The following PIEZO2 variants were observed in gnomAD, a reference collection of about 807,000 sequenced individuals.
The protein encoded by PIEZO2 is piezo type mechanosensitive ion channel component 2.
A neutral mutation model predicts 337.3 loss-of-function variants in PIEZO2; 172 were observed. The observed-to-expected ratio is 0.51, with a 90% confidence interval of 0.45 to 0.58. The LOEUF (loss-of-function observed/expected upper bound fraction) is 0.58, where lower values mean the gene tolerates loss of function less well. Among genes scored for constraint, PIEZO2 ranks in the 20% least tolerant of loss-of-function variants. The pLI, the probability that PIEZO2 is intolerant of heterozygous loss-of-function variation, is 0.00. For missense variants in PIEZO2, 3,028 were observed against 3,391.3 expected, an observed-to-expected ratio of 0.89 and a Z score of 2.66; for synonymous variants, 1,251 against 1,228.5, an observed-to-expected ratio of 1.02 and a Z score of -0.38.
intron 49 of PIEZO2, among the ~76,000 whole-genome samples, chr18:10,688,358 A>G (rs938235136): frequency 6.6e-6 from 1 of 152,180 alleles, no homozygotes; most frequent in Non-Finnish European, 1.5e-5. Flanking sequence ...ATGGCTGCAT[A>G]GTATTCCATG....
Position 10,718,196 on chromosome 18 carries a change from T to C in PIEZO2, c.5089+4A>G. 6.5e-7 allele frequency: 1 copy of C among 1,535,644 alleles called. No individual in the cohort carries two copies. Among genetic ancestry groups the C allele is most frequent in the Non-Finnish European group, 8.7e-7 (1 of 1,145,424 alleles). On this transcript the variant is annotated splice_donor_region_variant and intron_variant, in intron 37 of 55. Coordinates refer to ENST00000674853, the MANE Select transcript of PIEZO2 (RefSeq NM_001378183.1). ...ACAGCTCATATTTGTCTTTATTTTG[T>C]TACCTGGTCCATCGGATTTCTTTTT...
chr18:10,989,547 C>T (rs1164154724), intron 2 of PIEZO2, among the ~76,000 whole-genome samples: 1 of 150,170 alleles, frequency 6.7e-6, no homozygotes, highest in Non-Finnish European at 1.5e-5. Context: ...TCAACAAATG[C>T]CAACATAAAT....
chr18:11,080,112 T>C lies in PIEZO2; in HGVS notation c.65-13890A>G, dbSNP rs1294700242. The stretch of plus-strand genomic sequence containing the variant: ...TCTCCAGATCCCCACTCCTAACCAC[T>C]CCACACTGCTACCTCTCTCATCTAC... On this transcript the variant is annotated intron_variant, in intron 1 of 55. Coordinates refer to ENST00000674853, the MANE Select transcript of PIEZO2 (RefSeq NM_001378183.1). This position sits in a 1 kb window ranked among gnomAD's most constrained non-coding sequence, Gnocchi z 5.4. Among the ~76,000 whole-genome samples, 2 of 144,394 alleles carry C rather than the reference T, an allele frequency of 1.4e-5. No homozygotes were observed. The highest frequency in any genetic ancestry group is 3.1e-5 in the Non-Finnish European group (2 of 64,876). The allele number at this position is 144,394 out of a possible 152,430, so 94.7% of individuals were successfully genotyped here.
rs572871856 is a variant in PIEZO2 at position 10,760,122 on chromosome 18, C to A, written c.3451-213G>T. Among the ~76,000 whole-genome samples the A allele has an allele frequency of 9.9e-5, 15 of 152,280 alleles. No homozygotes were observed. The South Asian group carries it at 3.1e-3, about 32-fold the overall frequency. On this transcript the variant is annotated intron_variant, in intron 24 of 55. Transcript: ENST00000674853. ...TCCCAGGGAAAAACTGACTAAGTAGCTGTTATCATAACCACTTCAGACAAT... is the reference window on the plus strand; with the variant it reads ...TCCCAGGGAAAAACTGACTAAGTAGATGTTATCATAACCACTTCAGACAAT...
At chr18:11,147,491 GATCAACCTCGGTCAAGATGCAGAGTC>G (rs2040839898) in intron 1 of PIEZO2, among the ~76,000 whole-genome samples, 1 of 152,218 alleles carries the variant, frequency 6.6e-6, no homozygotes, top group South Asian at 2.1e-4. Flanking sequence ...ACACAGGTGT[GATCAACCTCGGTCAAGATGCAGAGTC>G]ATCAACCTCG....
At chr18:10,751,539 T>C (rs920579854) in intron 28 of PIEZO2, among the ~76,000 whole-genome samples, 2 of 152,166 alleles carry the variant, frequency 1.3e-5, no homozygotes, top group Admixed American at 6.5e-5. Context: ...AAATAAATTA[T>C]CCAAATACCT....
chr18:10,716,611 C>T lies in PIEZO2; in HGVS notation c.5090-795G>A, dbSNP rs2036020615. Reference sequence around the variant, plus strand: ...GCTGAATGAAGTGAGTCGCTGTGGCCGCTGAACAGGAGATGCCACGAGCAC... The same window carrying T: ...GCTGAATGAAGTGAGTCGCTGTGGCTGCTGAACAGGAGATGCCACGAGCAC... On this transcript the variant is annotated intron_variant, in intron 37 of 55. Coordinates refer to ENST00000674853, the MANE Select transcript of PIEZO2 (RefSeq NM_001378183.1). This position sits in a 1 kb window ranked among gnomAD's most constrained non-coding sequence, Gnocchi z 4.1. 6.6e-6 allele frequency among the ~76,000 whole-genome samples: 1 copy of T among 151,552 alleles called. No homozygotes were observed. The highest frequency in any genetic ancestry group is 1.5e-5 in the Non-Finnish European group (1 of 68,032).
chr18:11,090,009 C>T (rs1048923095), intron 1 of PIEZO2, among the ~76,000 whole-genome samples: 4 of 152,158 alleles, frequency 2.6e-5, no homozygotes, highest in African/African-American at 9.7e-5. Flanking sequence ...GTGGGCTTCA[C>T]AGTATTGACC....
At chr18:10,866,434 C>CG in intron 5 of PIEZO2, among the ~76,000 whole-genome samples, 1 of 152,070 alleles carries the variant, frequency 6.6e-6, no homozygotes, top group South Asian at 2.1e-4. Context: ...TACAGGCACC[C>CG]GCCACCACAC....
In PIEZO2 at chr18:10,979,461, GAC is replaced by G; in HGVS notation, c.286+72_286+73del. 1 of 1,274,756 alleles carries G rather than the reference GAC, an allele frequency of 7.8e-7. No individual in the cohort carries two copies. Among genetic ancestry groups the G allele is most frequent in the Non-Finnish European group, 1.0e-6 (1 of 986,532 alleles). 79.0% of individuals were successfully genotyped at this position (1,274,756 alleles called of 1,614,324 possible). On this transcript the variant is annotated intron_variant, in intron 3 of 55. Transcript: ENST00000674853. This position sits in a 1 kb window ranked among gnomAD's most constrained non-coding sequence, Gnocchi z 4.0. Reference sequence around the variant, plus strand: ...TTGCATAGATTTCTATGTGTGCGATGACACACAGCTTTATTATGCACGTATAT... The same window carrying G: ...TTGCATAGATTTCTATGTGTGCGATGACACAGCTTTATTATGCACGTATAT...
intron 3 of PIEZO2, among the ~76,000 whole-genome samples, chr18:10,956,986 A>AT (rs35757501): frequency 7.3e-6 from 1 of 136,762 alleles, no homozygotes; most frequent in Admixed American, 7.0e-5. Flanking sequence ...AAAAAAAAAA[A>AT]GAAATCATCC....
Position 11,092,002 on chromosome 18 carries a change from T to A in PIEZO2, c.65-25780A>T, listed in dbSNP as rs375894812. Among the ~76,000 whole-genome samples the A allele has an allele frequency of 8.5e-5, 13 of 152,310 alleles. No individual in the cohort carries two copies. The highest frequency in any genetic ancestry group is 2.9e-4 in the African/African-American group (12 of 41,576). ...GTGGTTTCCCCACGCTATTAGTGAATCATAGCCAGTATCCCAATAAAAGAC... is the reference window on the plus strand; with the variant it reads ...GTGGTTTCCCCACGCTATTAGTGAAACATAGCCAGTATCCCAATAAAAGAC... On this transcript the variant is annotated intron_variant, in intron 1 of 55. Coordinates refer to ENST00000674853, the MANE Select transcript of PIEZO2 (RefSeq NM_001378183.1). The surrounding 1 kb of genome is among the most constrained non-coding windows in gnomAD (Gnocchi z 4.5).
chr18:10,741,939 G>A (rs1270461059), intron 32 of PIEZO2, among the ~76,000 whole-genome samples: 1 of 152,126 alleles, frequency 6.6e-6, no homozygotes, highest in Non-Finnish European at 1.5e-5. Flanking sequence ...GGATCACGAG[G>A]TCAGGAGATC....
intron 4 of PIEZO2, among the ~76,000 whole-genome samples, chr18:10,896,735 C>T (rs946778234): frequency 3.3e-5 from 5 of 152,204 alleles, no homozygotes; most frequent in Non-Finnish European, 5.9e-5. Flanking sequence ...TCTCAGGTCT[C>T]ATGGCTCACA....
At chr18:10,963,937 G>A (rs2033893968) in intron 3 of PIEZO2, among the ~76,000 whole-genome samples, 1 of 152,190 alleles carries the variant, frequency 6.6e-6, no homozygotes, top group South Asian at 2.1e-4. Flanking sequence ...GGAGTAGAAA[G>A]TGGAGAAAGA....
Position 10,903,354 on chromosome 18 carries a change from A to G in PIEZO2, c.329+7832T>C, listed in dbSNP as rs115014582. On this transcript the variant is annotated intron_variant, in intron 4 of 55. Coordinates refer to ENST00000674853, the MANE Select transcript of PIEZO2 (RefSeq NM_001378183.1). The surrounding 1 kb of genome is among the most constrained non-coding windows in gnomAD (Gnocchi z 4.1). The stretch of plus-strand genomic sequence containing the variant: ...CCTTCTCTGGGGTTTACACCCTTCA[A>G]TGGCTCCCCATTACTACTGAATAAG... Among the ~76,000 whole-genome samples, 790 of 152,174 alleles carry G rather than the reference A, an allele frequency of 5.2e-3. 9 individuals carry two copies. The highest frequency in any genetic ancestry group is 0.018 in the African/African-American group (757 of 41,506).
chr18:10,891,261 T>G (rs1050735023), intron 4 of PIEZO2, among the ~76,000 whole-genome samples: 1 of 152,018 alleles, frequency 6.6e-6, no homozygotes, highest in East Asian at 1.9e-4. Flanking sequence ...GAGGCAGAGG[T>G]TGCAGTGAGC....
rs989506347 is a variant in PIEZO2, at chr18:11,094,401, C to T, written c.65-28179G>A. ...AAACCAGGGCTTTGAGTCAAGTTAA[C>T]GACTTTTCCACCATTTTACAGCTGC... On this transcript the variant is annotated intron_variant, in intron 1 of 55. Coordinates refer to ENST00000674853, the MANE Select transcript of PIEZO2 (RefSeq NM_001378183.1). The surrounding 1 kb of genome is among the most constrained non-coding windows in gnomAD (Gnocchi z 4.4). Among the ~76,000 whole-genome samples, 8 of 152,114 alleles carry T rather than the reference C, an allele frequency of 5.3e-5. No homozygotes were observed. Among genetic ancestry groups the T allele is most frequent in the African/African-American group, 1.9e-4 (8 of 41,424 alleles).
chr18:10,737,435 C>G (rs1243432338), intron 33 of PIEZO2, among the ~76,000 whole-genome samples: 10 of 152,312 alleles, frequency 6.6e-5, no homozygotes, highest in Admixed American at 6.5e-4. Flanking sequence ...CGTGTCGTAG[C>G]CCTAAGACAG....
Sources: allele counts gnomAD v4.1 joint callset (sites outside exome capture counted in the v4.1 genomes callset), GRCh38; gene constraint gnomAD v4.1.1; non-coding constraint Gnocchi (gnomAD v3.1); transcripts MANE v1.5; gene names NCBI Gene and HGNC (gene_info 2026-07-23, HGNC 2026-07-21).